Variants in IGF1R observed in about 807,000 individuals in gnomAD.
IGF1R encodes the protein insulin-like growth factor 1 receptor.
IGF1R carries 44 observed loss-of-function variants against 144.6 expected under a neutral mutation model. The ratio of observed to expected loss-of-function variants is 0.30; its 90% CI spans 0.24 to 0.39. The LOEUF is 0.39. Ranked by LOEUF, IGF1R falls within the 10% of genes least tolerant of loss-of-function variation. The pLI is 1.00. For synonymous variants in IGF1R, 795 were observed against 722.8 expected, an observed-to-expected ratio of 1.10 and a Z score of -1.60; for missense variants, 1,355 against 1,833.7, an observed-to-expected ratio of 0.74 and a Z score of 4.77.
At chr15:98,938,254 C>T (rs909366666) in intron 17 of IGF1R, among the ~76,000 whole-genome samples, 7 of 152,168 alleles carry the variant, frequency 4.6e-5, no homozygotes, top group Admixed American at 2.0e-4. Flanking sequence ...AGCTGGTGGC[C>T]GGCCTGCAAG....
chr15:98,935,142 G>A lies in IGF1R; in HGVS notation c.3186+89G>A, dbSNP rs955902689. 18 of 1,153,354 alleles carry A rather than the reference G, an allele frequency of 1.6e-5. No homozygotes were observed. Among genetic ancestry groups the A allele is most frequent in the East Asian group, 9.7e-5 (4 of 41,382 alleles). 71.4% of individuals were successfully genotyped at this position (1,153,354 alleles called of 1,614,324 possible). A position where few individuals can be genotyped will look rare whatever the true frequency, so the allele number is the denominator to read the frequency against. On this transcript the variant is annotated intron_variant, in intron 16 of 20. Transcript: ENST00000650285. This position sits in a 1 kb window ranked among gnomAD's most constrained non-coding sequence, Gnocchi z 4.2. ...AGTATGTTCTTGGCTGCATGTACCC[G>A]TGGGTTTGGTGTCTTGCCTTTGCCT...
At chr15:98,687,110 TC>T (rs1039440517) in intron 1 of IGF1R, among the ~76,000 whole-genome samples, 36 of 152,212 alleles carry the variant, frequency 2.4e-4, no homozygotes, top group African/African-American at 8.2e-4. Flanking sequence ...ACTGATTACT[TC>T]CTTGTCATTC....
chr15:98,695,460 G>C (rs2053574720), intron 1 of IGF1R, among the ~76,000 whole-genome samples: 3 of 152,172 alleles, frequency 2.0e-5, no homozygotes, highest in Non-Finnish European at 2.9e-5. Context: ...TACCTCCAAA[G>C]CGGAATTTTC....
intron 2 of IGF1R, among the ~76,000 whole-genome samples, chr15:98,751,075 G>A (rs966468945): frequency 1.3e-5 from 2 of 152,156 alleles, no homozygotes; most frequent in South Asian, 2.1e-4. Flanking sequence ...ACAGGCGTGA[G>A]CCATCATGCC....
rs2053799964 is a variant in IGF1R at position 98,704,030 on chromosome 15, G to T, written c.95-3532G>T. 6.7e-6 allele frequency among the ~76,000 whole-genome samples: 1 copy of T among 148,764 alleles called. No individual in the cohort carries two copies. The highest frequency in any genetic ancestry group is 1.5e-5 in the Non-Finnish European group (1 of 67,558). ...TGACGGGTCACTTTTCGAAACTCAG[G>T]CACACGACACACAGTTAATTTAGTG... On this transcript the variant is annotated intron_variant, in intron 1 of 20. Coordinates refer to ENST00000650285, the MANE Select transcript of IGF1R (RefSeq NM_000875.5). The surrounding 1 kb of genome is among the most constrained non-coding windows in gnomAD (Gnocchi z 4.9).
chr15:98,960,907 C>A lies in IGF1R; in HGVS notation c.*3465C>A, dbSNP rs1263531562. Reference sequence around the variant, plus strand: ...GGCGCCGAGGCTCGTGGCGTCACGCCCCCCCCGCCAGGGCTGTACCTCCGT... The same window carrying A: ...GGCGCCGAGGCTCGTGGCGTCACGCACCCCCCGCCAGGGCTGTACCTCCGT... On this transcript the variant is annotated 3_prime_UTR_variant, in exon 21 of 21. Transcript: ENST00000650285. 8.6e-6 allele frequency: 2 copies of A among 233,892 alleles called. No homozygotes were observed. The highest frequency in any genetic ancestry group is 5.6e-5 in the Admixed American group (1 of 17,782). 14.5% of individuals were successfully genotyped at this position (233,892 alleles called of 1,614,324 possible).
intron 20 of IGF1R, among the ~76,000 whole-genome samples, chr15:98,950,174 C>G (rs915506308): frequency 6.6e-6 from 1 of 152,172 alleles, no homozygotes; most frequent in South Asian, 2.1e-4. Flanking sequence ...ATGAAGGCAC[C>G]CAGCTCCTAT....
intron 2 of IGF1R, chr15:98,734,609 T>C (rs570502840): frequency 6.6e-6 from 1 of 152,324 alleles, no homozygotes; most frequent in South Asian, 2.1e-4. Flanking sequence ...AGCAGAGGTA[T>C]GTGCTTGCTA....
chr15:98,831,079 G>A (rs2141501798), intron 2 of IGF1R, among the ~76,000 whole-genome samples: 1 of 152,162 alleles, frequency 6.6e-6, no homozygotes, highest in Non-Finnish European at 1.5e-5. Flanking sequence ...CCTTCATAAG[G>A]GATCCACCCC....
chr15:98,771,693 G>A (rs562164916), intron 2 of IGF1R, among the ~76,000 whole-genome samples: 7 of 152,180 alleles, frequency 4.6e-5, no homozygotes, highest in East Asian at 3.9e-4. Context: ...GAATAACAAC[G>A]TATGCAAGAG....
chr15:98,724,904 C>A (rs2054323451), intron 2 of IGF1R, among the ~76,000 whole-genome samples: 1 of 152,198 alleles, frequency 6.6e-6, no homozygotes, highest in Non-Finnish European at 1.5e-5. Context: ...CAGTGAGAAC[C>A]TCTGTACTCC....
At chr15:98,668,818 G>A (rs1423757552) in intron 1 of IGF1R, among the ~76,000 whole-genome samples, 3 of 151,334 alleles carry the variant, frequency 2.0e-5, no homozygotes, top group Non-Finnish European at 4.4e-5. Flanking sequence ...GGTCTGTTTT[G>A]TAAAGCTGAC....
chr15:98,836,319 A>T (rs1387294108), intron 2 of IGF1R, among the ~76,000 whole-genome samples: 1 of 152,066 alleles, frequency 6.6e-6, no homozygotes, highest in Non-Finnish European at 1.5e-5. Context: ...TCTTAAAGCC[A>T]GGAGTTTGAG....
intron 2 of IGF1R, among the ~76,000 whole-genome samples, chr15:98,817,605 A>G (rs764712306): frequency 1.4e-4 from 22 of 152,172 alleles, no homozygotes; most frequent in Admixed American, 3.9e-4. Context: ...AAGCTGTCAC[A>G]TGGGCACAGA....
Position 98,707,445 on chromosome 15 carries a change from C to T in IGF1R, c.95-117C>T. ...CACAGCTCTGCAGTGAACAATTGAA[C>T]CTCATTTCTTTAATAATAATACAGG... is the stretch of plus-strand genomic sequence containing the variant. On this transcript the variant is annotated intron_variant, in intron 1 of 20. Coordinates refer to ENST00000650285, the MANE Select transcript of IGF1R (RefSeq NM_000875.5). This position sits in a 1 kb window ranked among gnomAD's most constrained non-coding sequence, Gnocchi z 6.7. 1 of 1,083,068 alleles carries T rather than the reference C, an allele frequency of 9.2e-7. No homozygotes were observed. The highest frequency in any genetic ancestry group is 1.4e-6 in the Non-Finnish European group (1 of 726,146). The allele number at this position is 1,083,068 out of a possible 1,614,324, so 67.1% of individuals were successfully genotyped here.
intron 3 of IGF1R, 78 bp from the exon 4 acceptor site, chr15:98,896,679 A>G (rs1275171419): frequency 1.7e-5 from 24 of 1,419,464 alleles, no homozygotes; most frequent in South Asian, 2.4e-5. Flanking sequence ...AATGAAAAGC[A>G]TATCCTTATG....
intron 2 of IGF1R, among the ~76,000 whole-genome samples, chr15:98,732,615 G>A (rs1434038178): frequency 1.3e-5 from 2 of 152,194 alleles, no homozygotes; most frequent in Non-Finnish European, 2.9e-5. Flanking sequence ...AAGACTTGGT[G>A]AAGGATGAAG....
intron 2 of IGF1R, among the ~76,000 whole-genome samples, chr15:98,881,622 C>T (rs1157291346): frequency 2.0e-5 from 3 of 152,164 alleles, no homozygotes; most frequent in Non-Finnish European, 2.9e-5. Flanking sequence ...TGTGCCTGGC[C>T]GGCCCTTCCT....
At position 98,960,127 on chromosome 15, in the gene IGF1R, T is replaced by G. The variant is rs1596498592; in HGVS notation, c.*2685T>G. ...AATACATCTCACCTTTCTCAGCACC[T>G]GACAATAGGCCGTTGATACTGGTAA... On this transcript the variant is annotated 3_prime_UTR_variant, in exon 21 of 21. Transcript: ENST00000650285. 2.1e-5 allele frequency: 5 copies of G among 233,660 alleles called. No individual in the cohort carries two copies. The East Asian group carries it at 3.0e-4, about 14-fold the overall frequency. The allele number at this position is 233,660 out of a possible 1,614,324, so 14.5% of individuals were successfully genotyped here.
Sources: allele counts gnomAD v4.1 joint callset (sites outside exome capture counted in the v4.1 genomes callset), GRCh38; gene constraint gnomAD v4.1.1; non-coding constraint Gnocchi (gnomAD v3.1); transcripts MANE v1.5; gene names NCBI Gene and HGNC (gene_info 2026-07-23, HGNC 2026-07-21).